PSMA1: variants seen among roughly 807,000 people sequenced by gnomAD.
PSMA1 encodes the protein proteasome 20S subunit alpha 1.
In PSMA1, 3 loss-of-function variants were observed where a neutral mutation model predicts 38.4. The ratio of observed to expected loss-of-function variants is 0.08; its 90% CI spans 0.04 to 0.20. The LOEUF is 0.20. PSMA1 is among the 10% of genes least tolerant of loss of function. PSMA1 has a pLI of 1.00. For synonymous variants in PSMA1, 101 were observed against 107.1 expected, an observed-to-expected ratio of 0.94 and a Z score of 0.35; for missense variants, 227 against 325.3, an observed-to-expected ratio of 0.70 and a Z score of 2.32.
intron 1 of PSMA1, 195 bp downstream of exon 1, chr11:14,520,102 G>C (rs189675575): frequency 2.5e-6 from 2 of 810,790 alleles, no homozygotes; most frequent in South Asian, 3.4e-5. Context: ...GCGGTGGAAA[G>C]GCCGCACTGG....
At chr11:14,589,377 GTGTGTGTATATATA>G (rs1852385090) in intron 2 of PSMA1, among the ~76,000 whole-genome samples, 1 of 150,728 alleles carries the variant, frequency 6.6e-6, no homozygotes, top group East Asian at 1.9e-4. Flanking sequence ...GTGTGTGTGT[GTGTGTGTATATATA>G]TGTGTGTGTA....
chr11:14,600,539 A>T (rs1465551306), intron 2 of PSMA1, among the ~76,000 whole-genome samples: 1 of 152,124 alleles, frequency 6.6e-6, no homozygotes. Flanking sequence ...TGGGTGTGGG[A>T]GCCGCCGAGC....
chr11:14,560,581 G>C (rs1851996930), intron 2 of PSMA1, among the ~76,000 whole-genome samples: 1 of 152,158 alleles, frequency 6.6e-6, no homozygotes, highest in South Asian at 2.1e-4. Context: ...ACAAATCCCA[G>C]GGTTGCAGGG....
intron 2 of PSMA1, among the ~76,000 whole-genome samples, chr11:14,574,377 G>C (rs1024912329): frequency 6.6e-5 from 10 of 152,216 alleles, no homozygotes; most frequent in Admixed American, 1.3e-4. Context: ...TACTTGGGCT[G>C]CTGCTTCAGA....
At chr11:14,578,224 TA>T (rs900641367) in intron 2 of PSMA1, among the ~76,000 whole-genome samples, 82 of 151,356 alleles carry the variant, frequency 5.4e-4, no homozygotes, top group African/African-American at 1.9e-3. Context: ...AAAGTATAAT[TA>T]AAAAAAAATA....
chr11:14,553,104 T>C (rs1851904827), intron 2 of PSMA1, among the ~76,000 whole-genome samples: 1 of 152,072 alleles, frequency 6.6e-6, no homozygotes, highest in Admixed American at 6.6e-5. Flanking sequence ...GGATTACAGG[T>C]GTGAGCCATT....
At chr11:14,612,403 T>A (rs1309609183) in intron 1 of PSMA1, among the ~76,000 whole-genome samples, 2 of 152,218 alleles carry the variant, frequency 1.3e-5, no homozygotes, top group Non-Finnish European at 2.9e-5. Flanking sequence ...CAATTGAAAG[T>A]ATGATCATAT....
chr11:14,591,897 T>C (rs1852420865), intron 2 of PSMA1, among the ~76,000 whole-genome samples: 1 of 152,044 alleles, frequency 6.6e-6, no homozygotes, highest in African/African-American at 2.4e-5. Flanking sequence ...GGTTTGTTCT[T>C]TTGGTCTTTG....
chr11:14,511,395 A>G (rs1459215240), intron 7 of PSMA1, among the ~76,000 whole-genome samples: 1 of 152,212 alleles, frequency 6.6e-6, no homozygotes, highest in Non-Finnish European at 1.5e-5. Context: ...AAAACAAAAC[A>G]AAACAAAACA....
At chr11:14,571,755 T>C (rs1001611482) in intron 2 of PSMA1, among the ~76,000 whole-genome samples, 3 of 152,160 alleles carry the variant, frequency 2.0e-5, no homozygotes, top group Non-Finnish European at 2.9e-5. Context: ...CAGTGTGCTG[T>C]ATTCAGGAGA....
intron 1 of PSMA1, among the ~76,000 whole-genome samples, chr11:14,622,846 G>A (rs1034970564): frequency 1.3e-5 from 2 of 152,242 alleles, no homozygotes; most frequent in Middle Eastern, 3.4e-3. Flanking sequence ...AACATGCAGT[G>A]TCTTACGGCA....
intron 1 of PSMA1, among the ~76,000 whole-genome samples, chr11:14,612,932 G>A (rs905899291): frequency 6.6e-6 from 1 of 152,078 alleles, no homozygotes; most frequent in Non-Finnish European, 1.5e-5. Context: ...GGGCAGATGA[G>A]TGATAAAAGA....
intron 2 of PSMA1, among the ~76,000 whole-genome samples, chr11:14,544,192 G>T (rs373570213): frequency 2.0e-5 from 3 of 152,228 alleles, no homozygotes; most frequent in East Asian, 3.9e-4. Context: ...ACCAAGCCCG[G>T]CTAATTTTCG....
chr11:14,573,148 C>T (rs951327171), intron 2 of PSMA1, among the ~76,000 whole-genome samples: 4 of 152,146 alleles, frequency 2.6e-5, no homozygotes. Context: ...AGAGAATCCT[C>T]CCTAACTCAT....
intron 1 of PSMA1, among the ~76,000 whole-genome samples, chr11:14,612,739 TAACTTA>T (rs1366117731): frequency 6.6e-6 from 1 of 152,216 alleles, no homozygotes; most frequent in Non-Finnish European, 1.5e-5. Flanking sequence ...CTGCTACCTT[TAACTTA>T]GTCATTTAGA....
Position 14,514,029 on chromosome 11 carries a change from T to C in PSMA1, c.344-142A>G, listed in dbSNP as rs146058891. ...GAGAAATAATGCAATAGGACACTAT[T>C]TCTTTGGCCTAATATAAAATGTTTG... is the stretch of plus-strand genomic sequence containing the variant. On this transcript the variant is annotated intron_variant, in intron 5 of 9. Transcript: ENST00000396394. 2.9e-4 allele frequency: 392 copies of C among 1,347,510 alleles called. 1 individual carries two copies. Among genetic ancestry groups the C allele is most frequent in the Non-Finnish European group, 3.6e-4 (379 of 1,050,730 alleles). The allele number at this position is 1,347,510 out of a possible 1,614,324, so 83.5% of individuals were successfully genotyped here. A position where few individuals can be genotyped will look rare whatever the true frequency, so the allele number is the denominator to read the frequency against.
intron 2 of PSMA1, among the ~76,000 whole-genome samples, chr11:14,535,801 C>T (rs1158105592): frequency 1.3e-5 from 2 of 151,962 alleles, no homozygotes; most frequent in Admixed American, 6.6e-5. Flanking sequence ...TCTAAAAAAT[C>T]CTGAAATAAC....
intron 2 of PSMA1, among the ~76,000 whole-genome samples, chr11:14,590,346 G>GT (rs537575229): frequency 2.7e-3 from 414 of 152,178 alleles, no homozygotes; most frequent in African/African-American, 9.5e-3. Context: ...TTCATTTTGT[G>GT]TTTTTTACCA....
chr11:14,610,269 A>G (rs561680687), intron 2 of PSMA1, among the ~76,000 whole-genome samples: 1 of 152,218 alleles, frequency 6.6e-6, no homozygotes, highest in East Asian at 1.9e-4. Flanking sequence ...ACATATTCAA[A>G]TCCTCTTAAT....
Sources: allele counts gnomAD v4.1 joint callset (sites outside exome capture counted in the v4.1 genomes callset), GRCh38; gene constraint gnomAD v4.1.1; transcripts MANE v1.5; gene names NCBI Gene and HGNC (gene_info 2026-07-23, HGNC 2026-07-21).